CIAO1: variants seen among roughly 807,000 people sequenced by gnomAD.
CIAO1 encodes the protein cytosolic iron-sulfur assembly component 1, also known as probable cytosolic iron-sulfur protein assembly protein CIAO1.
In CIAO1, 32 loss-of-function variants were observed where a neutral mutation model predicts 43.1. The observed-to-expected ratio is 0.74, with a 90% CI of 0.56 to 1.00. The LOEUF is 1.00. Ranked by LOEUF, CIAO1 falls within the 50% of genes least tolerant of loss-of-function variation. The pLI is 0.00. For synonymous variants in CIAO1, 183 were observed against 171.4 expected, an observed-to-expected ratio of 1.07 and a Z score of -0.53; for missense variants, 415 against 437.4, an observed-to-expected ratio of 0.95 and a Z score of 0.46.
rs779467939 is a variant in CIAO1 at position 96,268,475 on chromosome 2, T to A, written c.508T>A (p.Tyr170Asn). The part of the protein sequence containing the change: ...PSQELLASAS[Y>N]DDTVKLYREE... ...CCCCCAGCTCTTAGCTTCTGCCAGC[T>A]ATGATGACACAGTGAAGCTGTACCG... Residue 170 changes from tyrosine to asparagine, a missense_variant, in exon 5 of 7, where the codon TAT (tyrosine) becomes AAT (asparagine). Tyr to Asn is a moderately radical substitution (Grantham distance 143). Coordinates refer to ENST00000488633, the MANE Select transcript of CIAO1 (RefSeq NM_004804.3). 3.1e-6 allele frequency: 5 copies of A among 1,614,236 alleles called. No homozygotes were observed. Among genetic ancestry groups the A allele is most frequent in the Non-Finnish European group, 4.2e-6 (5 of 1,180,038 alleles).
chr2:96,271,123 AG>A lies in CIAO1; in HGVS notation c.796del (p.Ala266LeufsTer29). ...IYDIAWCQLT[G>X]ALATACGDDA... ...ACTTTCCTTCCAGGTGTCAGCTGAC[AG>A]GGGCTCTGGCCACAGCTTGTGGGGA... On this transcript the variant is annotated frameshift_variant, in exon 7 of 7. Transcript: ENST00000488633. LOFTEE classifies it high-confidence loss of function. 6.2e-7 allele frequency: 1 copy of A among 1,614,080 alleles called. No homozygotes were observed. Among genetic ancestry groups the A allele is most frequent in the East Asian group, 2.2e-5 (1 of 44,882 alleles).
At chr2:96,269,175 TTGAAGA>T (rs2104317424) in intron 5 of CIAO1, 87 bp from the exon 6 acceptor site, 3 of 1,019,834 alleles carry the variant, frequency 2.9e-6, no homozygotes, top group Non-Finnish European at 4.7e-6. Flanking sequence ...TCATAATCAG[TTGAAGA>T]TGAGGGTGAG....
In CIAO1 at chr2:96,273,404, C is replaced by G. The variant is rs1322170235; in HGVS notation, c.*2053C>G. The G allele has an allele frequency of 6.6e-6, 1 of 152,216 alleles. No individual in the cohort carries two copies. Among genetic ancestry groups the G allele is most frequent in the East Asian group, 1.9e-4 (1 of 5,196 alleles). 9.4% of individuals were successfully genotyped at this position (152,216 alleles called of 1,614,324 possible). On this transcript the variant is annotated 3_prime_UTR_variant, in exon 7 of 7. Coordinates refer to ENST00000488633, the MANE Select transcript of CIAO1 (RefSeq NM_004804.3). ...GTAAGCCGGGCGCGGTGGCTCACGC[C>G]TGTAATCCCAACACTTTGGGAGGCC...
At chr2:96,269,394 A>C in intron 6 of CIAO1, 39 bp downstream of exon 6, 5 of 1,571,614 alleles carry the variant, frequency 3.2e-6, no homozygotes, top group Non-Finnish European at 4.4e-6. Flanking sequence ...ATCCCCATAA[A>C]TCAGGGATTT....
chr2:96,269,267 G>T lies in CIAO1; in HGVS notation c.692-1G>T. 6 of 1,614,110 alleles carry T rather than the reference G, an allele frequency of 3.7e-6. No homozygotes were observed. Among genetic ancestry groups the T allele is most frequent in the Non-Finnish European group, 5.1e-6 (6 of 1,179,956 alleles). ...AAGGGCAAGAGAAGTCTGTCTTGCA[G>T]GGGTGGCATGCAGCGGCTCTGACCC... On this transcript the variant is annotated splice_acceptor_variant, in intron 5 of 6. Transcript: ENST00000488633. LOFTEE classifies it high-confidence loss of function.
chr2:96,267,049 C>T (rs975194812), intron 1 of CIAO1, among the ~76,000 whole-genome samples: 2 of 149,616 alleles, frequency 1.3e-5, no homozygotes, highest in African/African-American at 4.9e-5. Context: ...CAGGAGAATC[C>T]CTTGAACCCA....
Position 96,269,286 on chromosome 2 carries a change from C to G in CIAO1, c.710C>G (p.Ser237Cys), listed in dbSNP as rs146638347. ...CTTGCAGGGGTGGCATGCAGCGGCT[C>G]TGACCCCAGTTGGAAATGTATCTGT... Reference protein sequence around the residue: ...GNEQGVACSGSDPSWKCICTL... With the variant: ...GNEQGVACSGCDPSWKCICTL... Residue 237 changes from serine to cysteine, a missense_variant, in exon 6 of 7, where the codon TCT becomes TGT. Ser to Cys is a moderately radical substitution (Grantham distance 112). Coordinates refer to ENST00000488633, the MANE Select transcript of CIAO1 (RefSeq NM_004804.3). 2 of 1,614,044 alleles carry G rather than the reference C, an allele frequency of 1.2e-6. No homozygotes were observed. The highest frequency in any genetic ancestry group is 1.3e-5 in the African/African-American group (1 of 74,906).
chr2:96,270,197 G>A (rs554345811), intron 6 of CIAO1, among the ~76,000 whole-genome samples: 1 of 152,272 alleles, frequency 6.6e-6, no homozygotes, highest in South Asian at 2.1e-4. Context: ...ACTGTTTAAA[G>A]AAAGGGGTTA....
In CIAO1 at chr2:96,267,317, T is replaced by G; in HGVS notation, c.140-4T>G. 1 of 1,611,240 alleles carries G rather than the reference T, an allele frequency of 6.2e-7. No individual in the cohort carries two copies. Among genetic ancestry groups the G allele is most frequent in the Non-Finnish European group, 8.5e-7 (1 of 1,177,894 alleles). The stretch of plus-strand genomic sequence containing the variant: ...CCAGAGCCTGGCCTGCGCTCCGCCT[T>G]TAGGTGACAGCTGGATCTGCAAGTC... On this transcript the variant is annotated splice_region_variant and splice_polypyrimidine_tract_variant and intron_variant, in intron 1 of 6. Coordinates refer to ENST00000488633, the MANE Select transcript of CIAO1 (RefSeq NM_004804.3).
In CIAO1 at chr2:96,267,679, C is replaced by G; in HGVS notation, c.343C>G (p.Pro115Ala). ...TGAGGTCAAGTCAGTGGCTTGGGCC[C>G]CATCTGGCAACCTCCTGGCCACTTG... ...ENEVKSVAWAPSGNLLATCSR... is the reference protein window; with the variant it reads ...ENEVKSVAWAASGNLLATCSR... Residue 115 changes from proline to alanine, a missense_variant, in exon 3 of 7, where the codon CCA (proline) becomes GCA (alanine). Coordinates refer to ENST00000488633, the MANE Select transcript of CIAO1 (RefSeq NM_004804.3). The G allele has an allele frequency of 6.2e-7, 1 of 1,614,168 alleles. No individual in the cohort carries two copies. The highest frequency in any genetic ancestry group is 8.5e-7 in the Non-Finnish European group (1 of 1,180,038).
chr2:96,267,988 C>T, intron 4 of CIAO1, 64 bp downstream of exon 4: 1 of 1,319,690 alleles, frequency 7.6e-7, no homozygotes, highest in South Asian at 1.2e-5. Flanking sequence ...CCCAGCCTTC[C>T]TCTGCTTTTC....
intron 6 of CIAO1, among the ~76,000 whole-genome samples, chr2:96,269,967 A>T (rs1351503588): frequency 6.6e-6 from 1 of 152,044 alleles, no homozygotes; most frequent in Non-Finnish European, 1.5e-5. Context: ...TTTATAGGTA[A>T]CACTGACTCT....
intron 6 of CIAO1, among the ~76,000 whole-genome samples, chr2:96,269,576 C>T (rs1261382975): frequency 2.0e-5 from 3 of 152,166 alleles, no homozygotes; most frequent in South Asian, 4.1e-4. Flanking sequence ...GTAGCACCAG[C>T]GCTAGAGGTT....
chr2:96,270,103 C>T (rs1684517303), intron 6 of CIAO1, among the ~76,000 whole-genome samples: 2 of 152,204 alleles, frequency 1.3e-5, no homozygotes, highest in South Asian at 4.1e-4. Flanking sequence ...CTTAAGCTTG[C>T]TTTATATTAG....
At position 96,271,341 on chromosome 2, in the gene CIAO1, A is replaced by C. The variant is rs1429647769; in HGVS notation, c.1010A>C (p.Glu337Ala). The change falls in exon 7 of 7, where the codon GAA (glutamate) becomes GCA (alanine). Residue 337 changes from glutamate (E) to alanine (A), a missense_variant. By Grantham distance (107) the Glu-to-Ala change is moderately radical. Coordinates refer to ENST00000488633, the MANE Select transcript of CIAO1 (RefSeq NM_004804.3). ...GCCTTCTGGAAGTATCAGCGGCCTG[A>C]AGGCCTCTGAGCTACCTCGACTTTG... ...EVAFWKYQRP[E>A]GL The C allele has an allele frequency of 6.2e-7, 1 of 1,613,880 alleles. No individual in the cohort carries two copies. Among genetic ancestry groups the C allele is most frequent in the South Asian group, 1.1e-5 (1 of 91,076 alleles).
chr2:96,266,809 A>G (rs1684440117), intron 1 of CIAO1, among the ~76,000 whole-genome samples: 1 of 152,192 alleles, frequency 6.6e-6, no homozygotes, highest in African/African-American at 2.4e-5. Flanking sequence ...TGGGGAACCA[A>G]TAGCAATTTT....
chr2:96,267,498 T>C, intron 2 of CIAO1, 29 bp downstream of exon 2: 3 of 1,612,600 alleles, frequency 1.9e-6, no homozygotes, highest in Non-Finnish European at 2.5e-6. Flanking sequence ...ACCAGAATTA[T>C]TGCCTGTTTC....
chr2:96,266,481 G>A lies in CIAO1; in HGVS notation c.131G>A (p.Gly44Asp), dbSNP rs144543979. ...CGGDRRIRIW[G>D]TEGDSWICKS... ...GGCGACCGGAGAATCCGCATCTGGG[G>A]CACGGAGGGTAAGGCCCAGCCTGGT... Residue 44 changes from glycine (G) to aspartate (D), a missense_variant, in exon 1 of 7, where the codon GGC becomes GAC. Transcript: ENST00000488633. The A allele has an allele frequency of 2.6e-6, 4 of 1,541,828 alleles. No homozygotes were observed. Among genetic ancestry groups the A allele is most frequent in the Non-Finnish European group, 3.5e-6 (4 of 1,137,054 alleles).
chr2:96,267,508 C>G (rs1482692746), intron 2 of CIAO1, 39 bp downstream of exon 2: 1 of 1,611,658 alleles, frequency 6.2e-7, no homozygotes, highest in Non-Finnish European at 8.5e-7. Context: ...TTGCCTGTTT[C>G]CTCCCCAGGG....
Sources: allele counts gnomAD v4.1 joint callset (sites outside exome capture counted in the v4.1 genomes callset), GRCh38; gene constraint gnomAD v4.1.1; transcripts MANE v1.5; gene names NCBI Gene and HGNC (gene_info 2026-07-23, HGNC 2026-07-21).